Variants in UBR1 observed in about 807,000 individuals in gnomAD.
The protein encoded by UBR1 is ubiquitin protein ligase E3 component n-recognin 1.
A neutral mutation model predicts 242.1 loss-of-function variants in UBR1; 102 were observed. The ratio of observed to expected loss-of-function variants is 0.42; its 90% CI spans 0.36 to 0.50. The LOEUF (loss-of-function observed/expected upper bound fraction) is 0.50, where lower values mean the gene tolerates loss of function less well. Among genes scored for constraint, UBR1 ranks in the 20% least tolerant of loss-of-function variants. The probability of loss-of-function intolerance (pLI) is 0.01; values close to 1 mark genes in which losing one functional copy is unlikely to be tolerated. For synonymous variants in UBR1, 675 were observed against 684.8 expected, an observed-to-expected ratio of 0.99 and a Z score of 0.22; for missense variants, 1,772 against 2,101.8, an observed-to-expected ratio of 0.84 and a Z score of 3.07.
At chr15:42,990,257 T>C (rs908772006) in intron 33 of UBR1, 137 bp from the exon 34 acceptor site, 5 of 666,778 alleles carry the variant, frequency 7.5e-6, no homozygotes, top group African/African-American at 5.5e-5. Flanking sequence ...TGATCATCTG[T>C]AGCTTCCATC....
chr15:43,078,545 AAAT>A (rs762692601), intron 3 of UBR1, among the ~76,000 whole-genome samples: 3 of 152,250 alleles, frequency 2.0e-5, no homozygotes, highest in Non-Finnish European at 4.4e-5. Flanking sequence ...GCAAAAATGC[AAAT>A]AAGAGCCAAA....
chr15:42,993,365 CTT>C (rs779584895), intron 33 of UBR1, among the ~76,000 whole-genome samples: 29 of 140,584 alleles, frequency 2.1e-4, no homozygotes, highest in Admixed American at 3.6e-4. Flanking sequence ...TATGAAATGT[CTT>C]TTTTTTTTTT....
chr15:43,105,831 G>A (rs887152974), intron 1 of UBR1, 111 bp downstream of exon 1: 5 of 1,057,516 alleles, frequency 4.7e-6, no homozygotes, highest in African/African-American at 1.6e-5. Flanking sequence ...GATCAATCCA[G>A]ATAACTCCCC....
chr15:42,977,908 A>T lies in UBR1; in HGVS notation c.4190T>A (p.Leu1397His), dbSNP rs764268195. Residue 1397 changes from leucine (L) to histidine (H), a missense_variant, in exon 38 of 47, where the codon CTT becomes CAT. By Grantham distance (99) the Leu-to-His change is moderately conservative (BLOSUM62 -3). Coordinates refer to ENST00000290650, the MANE Select transcript of UBR1 (RefSeq NM_174916.3). ...AACATGAAACAGATCTATAGACAGA[A>T]GGCATGGTGTATCTTCTGATTTTAT... The part of the protein sequence containing the change: ...PNIKSEDTPC[L>H]LSIDLFHVLV... The T allele has an allele frequency of 6.2e-7, 1 of 1,613,444 alleles. No individual in the cohort carries two copies. The highest frequency in any genetic ancestry group is 8.5e-7 in the Non-Finnish European group (1 of 1,179,556).
chr15:43,082,208 G>A (rs2033982425), intron 3 of UBR1, among the ~76,000 whole-genome samples: 2 of 151,600 alleles, frequency 1.3e-5, no homozygotes, highest in African/African-American at 2.4e-5. Context: ...AACAGTAAGT[G>A]TATGTTCGTT....
chr15:43,081,848 A>G (rs1223038517), intron 3 of UBR1, among the ~76,000 whole-genome samples: 1 of 152,098 alleles, frequency 6.6e-6, no homozygotes, highest in Admixed American at 6.5e-5. Flanking sequence ...ATAATCCTAC[A>G]TATAAAAAAA....
chr15:43,071,168 A>T (rs950059839), intron 4 of UBR1, among the ~76,000 whole-genome samples: 27 of 152,164 alleles, frequency 1.8e-4, no homozygotes, highest in African/African-American at 6.3e-4. Flanking sequence ...CCCATTAGTG[A>T]TATACTCTCT....
In UBR1 at chr15:43,025,379, A is replaced by G; in HGVS notation, c.2584+2T>C. 1 of 1,608,300 alleles carries G rather than the reference A, an allele frequency of 6.2e-7. No individual in the cohort carries two copies. Among genetic ancestry groups the G allele is most frequent in the Non-Finnish European group, 8.5e-7 (1 of 1,176,670 alleles). ...GAGTCAATTCAGAATCTCACTTTTT[A>G]CCTTCATCTTTGTTTTCTTGTTTTC... On this transcript the variant is annotated splice_donor_variant, in intron 24 of 46. Transcript: ENST00000290650. LOFTEE classifies it high-confidence loss of function.
chr15:42,957,228 G>T (rs552606723), intron 44 of UBR1, among the ~76,000 whole-genome samples: 1 of 151,894 alleles, frequency 6.6e-6, no homozygotes, highest in African/African-American at 2.4e-5. Flanking sequence ...GCTACGACTC[G>T]GATAAATATT....
At position 43,004,076 on chromosome 15, in the gene UBR1, G is replaced by C. The variant is rs546638617; in HGVS notation, c.3416-146C>G. On this transcript the variant is annotated intron_variant, in intron 30 of 46. Transcript: ENST00000290650. ...TAGTAACAAAAAGAGAAAAGTAATA[G>C]TAACAAAAGAGAAAAGCATAAAGGT... is the stretch of plus-strand genomic sequence containing the variant. 14 of 730,682 alleles carry C rather than the reference G, an allele frequency of 1.9e-5. No homozygotes were observed. In the East Asian group the frequency reaches 3.6e-4, roughly 19 times the overall value. The allele number at this position is 730,682 out of a possible 1,614,324, so 45.3% of individuals were successfully genotyped here. A position where few individuals can be genotyped will look rare whatever the true frequency, so the allele number is the denominator to read the frequency against.
At chr15:42,961,071 T>A (rs1043081112) in intron 42 of UBR1, among the ~76,000 whole-genome samples, 1 of 151,556 alleles carries the variant, frequency 6.6e-6, no homozygotes, top group Admixed American at 6.6e-5. Context: ...TGCCATTCTC[T>A]TCAATTCTTT....
chr15:43,099,545 C>T (rs1049932468), intron 1 of UBR1, among the ~76,000 whole-genome samples: 1 of 152,066 alleles, frequency 6.6e-6, no homozygotes, highest in East Asian at 1.9e-4. Context: ...ATCCAAGAAA[C>T]GCCTTAAATG....
chr15:42,957,555 G>A (rs1158008069), intron 44 of UBR1, among the ~76,000 whole-genome samples: 4 of 152,106 alleles, frequency 2.6e-5, no homozygotes, highest in African/African-American at 4.8e-5. Context: ...TGTTATGAAG[G>A]ATACTCAGAG....
At chr15:43,012,269 T>C (rs888185618) in intron 29 of UBR1, among the ~76,000 whole-genome samples, 3 of 150,502 alleles carry the variant, frequency 2.0e-5, no homozygotes, top group Non-Finnish European at 3.0e-5. Flanking sequence ...TGACATGTAC[T>C]GATATCAAAA....
chr15:43,082,973 C>G (rs755421179), intron 2 of UBR1, among the ~76,000 whole-genome samples: 1 of 152,166 alleles, frequency 6.6e-6, no homozygotes, highest in Non-Finnish European at 1.5e-5. Flanking sequence ...TAACTTTGGG[C>G]CTTGACCTGG....
At chr15:43,100,624 C>G (rs1010701467) in intron 1 of UBR1, among the ~76,000 whole-genome samples, 2 of 152,078 alleles carry the variant, frequency 1.3e-5, no homozygotes. Context: ...ATCATGAGGT[C>G]AAGAGATCGA....
At chr15:42,996,552 C>T (rs2032642138) in intron 33 of UBR1, among the ~76,000 whole-genome samples, 1 of 152,060 alleles carries the variant, frequency 6.6e-6, no homozygotes, top group South Asian at 2.1e-4. Flanking sequence ...AGCTGTACTC[C>T]AGCCTGGGTG....
At chr15:42,993,654 C>A (rs558605218) in intron 33 of UBR1, among the ~76,000 whole-genome samples, 9 of 152,206 alleles carry the variant, frequency 5.9e-5, no homozygotes, top group African/African-American at 2.2e-4. Flanking sequence ...AAGCGTGAGC[C>A]ACTGCACCCA....
intron 29 of UBR1, among the ~76,000 whole-genome samples, chr15:43,014,756 C>A (rs1440314513): frequency 6.0e-5 from 7 of 115,956 alleles, no homozygotes; most frequent in Admixed American, 2.7e-4. Context: ...GGACCGTCTC[C>A]GCCCGGCAGC....
Sources: allele counts gnomAD v4.1 joint callset (sites outside exome capture counted in the v4.1 genomes callset), GRCh38; gene constraint gnomAD v4.1.1; transcripts MANE v1.5; gene names NCBI Gene and HGNC (gene_info 2026-07-23, HGNC 2026-07-21).